DNAH5: variants seen among roughly 807,000 people sequenced by gnomAD.
DNAH5 encodes dynein axonemal heavy chain 5, also known as axonemal beta dynein heavy chain 5.
In DNAH5, 372 loss-of-function variants were observed where a neutral mutation model predicts 518.2. That is an observed-to-expected ratio of 0.72 (90% CI 0.66 to 0.78). The LOEUF (loss-of-function observed/expected upper bound fraction) is 0.78, where lower values mean the gene tolerates loss of function less well. Among genes scored for constraint, DNAH5 ranks in the 30% least tolerant of loss-of-function variants. DNAH5 has a pLI of 0.00. For synonymous variants in DNAH5, 2,039 were observed against 2,025.9 expected (o/e 1.01, Z -0.17); for missense variants, 5,523 against 5,687.0 (o/e 0.97, Z 0.93).
At chr5:13,713,329 C>T (rs187365119) in intron 75 of DNAH5, among the ~76,000 whole-genome samples, 146 of 120,960 alleles carry the variant, frequency 1.2e-3, no homozygotes, top group African/African-American at 1.8e-3. Context: ...ATATATATAC[C>T]GACATATATA....
At chr5:13,937,033 C>G (rs996740053) in intron 1 of DNAH5, among the ~76,000 whole-genome samples, 1 of 151,842 alleles carries the variant, frequency 6.6e-6, no homozygotes, top group Non-Finnish European at 1.5e-5. Context: ...TCACAAAATC[C>G]CTATGAAGAA....
At chr5:13,931,559 A>G (rs1778430453) in intron 1 of DNAH5, among the ~76,000 whole-genome samples, 1 of 152,222 alleles carries the variant, frequency 6.6e-6, no homozygotes, top group Non-Finnish European at 1.5e-5. Context: ...ATATATAAGC[A>G]TTCAACAGAA....
At chr5:14,010,369 CATA>C (rs1785028990) in intron 1 of DNAH5, among the ~76,000 whole-genome samples, 1 of 152,098 alleles carries the variant, frequency 6.6e-6, no homozygotes, top group Admixed American at 6.5e-5. Flanking sequence ...TGAAAGCAAG[CATA>C]ATTAATAAAA....
At position 13,818,072 on chromosome 5, in the gene DNAH5, T is replaced by A. The variant is rs545242562; in HGVS notation, c.6842-378A>T. Among the ~76,000 whole-genome samples, 11 of 152,318 alleles carry A rather than the reference T, an allele frequency of 7.2e-5. No individual in the cohort carries two copies. The South Asian group carries it at 8.3e-4, about 11-fold the overall frequency. ...GAAATATCACCTAGAAGATGCCTCA[T>A]TCACTGCATTATCAGCTTTGATTTG... On this transcript the variant is annotated intron_variant, in intron 41 of 78. Transcript: ENST00000265104.
rs1754087098 is a variant in DNAH5, at chr5:13,776,376, C to T, written c.9373+63G>A. ...CAGCTGAGGCAGAGCCTTCAAGCAT[C>T]CCTGAAAGAACTAGAATCCTTGAAC... On this transcript the variant is annotated intron_variant, in intron 55 of 78. Transcript: ENST00000265104. 9 of 1,599,712 alleles carry T rather than the reference C, an allele frequency of 5.6e-6. No homozygotes were observed. In the South Asian group the frequency reaches 8.9e-5, roughly 16 times the overall value.
chr5:13,735,712 A>C, intron 67 of DNAH5, 106 bp downstream of exon 67: 1 of 965,664 alleles, frequency 1.0e-6, no homozygotes, highest in South Asian at 1.3e-5. Flanking sequence ...AGATTTAAAA[A>C]AGAAAAAGAC....
At position 13,823,248 on chromosome 5, in the gene DNAH5, T is replaced by G. The variant is rs1045914925; in HGVS notation, c.6687+15A>C. 3 of 1,521,900 alleles carry G rather than the reference T, an allele frequency of 2.0e-6. No individual in the cohort carries two copies. In the African/African-American group the frequency reaches 4.1e-5, roughly 21 times the overall value. 94.3% of individuals were successfully genotyped at this position (1,521,900 alleles called of 1,614,324 possible). ...AAACAGACACCAGCCCTCGTTGCCC[T>G]GTGAAGCATATTACCTGTCTACTAA... On this transcript the variant is annotated intron_variant, in intron 40 of 78. Coordinates refer to ENST00000265104, the MANE Select transcript of DNAH5 (RefSeq NM_001369.3).
intron 1 of DNAH5, among the ~76,000 whole-genome samples, chr5:14,008,995 G>C (rs768410564): frequency 3.3e-5 from 5 of 152,202 alleles, no homozygotes; most frequent in Non-Finnish European, 5.9e-5. Context: ...TCTCGAAGCT[G>C]GTTTCCTGGC....
intron 16 of DNAH5, among the ~76,000 whole-genome samples, chr5:13,894,069 A>T (rs1180488308): frequency 1.4e-5 from 2 of 139,564 alleles, no homozygotes; most frequent in Non-Finnish European, 3.2e-5. Flanking sequence ...ACCTACTGGG[A>T]CACTGGCATG....
intron 15 of DNAH5, chr5:13,899,856 CA>C: frequency 3.7e-6 from 1 of 272,810 alleles, no homozygotes; most frequent in Non-Finnish European, 7.0e-6. Context: ...CAACACTTCA[CA>C]AACAGGCTTC....
chr5:13,718,651 C>T (rs549210171), intron 72 of DNAH5, among the ~76,000 whole-genome samples: 2 of 152,232 alleles, frequency 1.3e-5, no homozygotes. Flanking sequence ...ACAGCATGGG[C>T]TTAAATAGGG....
Position 13,811,841 on chromosome 5 carries a change from A to G in DNAH5, c.7231-18T>C. 6.2e-7 allele frequency: 1 copy of G among 1,613,742 alleles called. No individual in the cohort carries two copies. Among genetic ancestry groups the G allele is most frequent in the Non-Finnish European group, 8.5e-7 (1 of 1,179,762 alleles). ...AGAAAACCCTGTCAGTTCACAGACA[A>G]GTGTATTCATGAAACTTATTAGCAC... On this transcript the variant is annotated intron_variant, in intron 43 of 78. Coordinates refer to ENST00000265104, the MANE Select transcript of DNAH5 (RefSeq NM_001369.3).
intron 51 of DNAH5, 37 bp from the exon 52 acceptor site, chr5:13,786,388 A>G: frequency 6.3e-7 from 1 of 1,589,794 alleles, no homozygotes; most frequent in Non-Finnish European, 8.6e-7. Context: ...AGTTTCTGCA[A>G]ATACCTGCAT....
chr5:13,914,060 C>T, intron 10 of DNAH5, 102 bp from the exon 11 acceptor site: 2 of 1,413,540 alleles, frequency 1.4e-6, no homozygotes, highest in Non-Finnish European at 1.9e-6. Flanking sequence ...AATTGTAAGC[C>T]TTTTCATAGT....
rs1368574132 is a variant in DNAH5 at position 13,859,575 on chromosome 5, T to C, written c.4827A>G (p.Gln1609=). Residue 1609 remains glutamine (Q), a synonymous_variant, in exon 30 of 79, where the codon CAA becomes CAG. Transcript: ENST00000265104. Reference sequence around the variant, plus strand: ...AGTTGGAAAGGTACTGCACCCATTTTTGAATCTGGGCTTTGAATGGCATAT... The same window carrying C: ...AGTTGGAAAGGTACTGCACCCATTTCTGAATCTGGGCTTTGAATGGCATAT... ...RYNMPFKAQI[Q]KWVQYLSNST... 2.5e-6 allele frequency: 4 copies of C among 1,614,020 alleles called. No individual in the cohort carries two copies. The African/African-American group carries it at 5.3e-5, about 22-fold the overall frequency.
Position 13,762,863 on chromosome 5 carries a change from T to C in DNAH5, c.10140A>G (p.Glu3380=), listed in dbSNP as rs6554812. ...PKDTINEEVI[E]FLSPYFEMPD... is the part of the protein sequence containing the mutation. ...GCATTTCAAAGTAAGGACTCAAAAA[T>C]TCTATCACCTCTTCATTGATTGTGT... Residue 3380 remains glutamate, a synonymous_variant, in exon 60 of 79, where the codon GAA becomes GAG. Transcript: ENST00000265104. 0.28 allele frequency: 455,168 copies of C among 1,612,358 alleles called. 68,300 individuals carry two copies. Among genetic ancestry groups the C allele is most frequent in the South Asian group, 0.43 (39,546 of 91,042 alleles).
chr5:13,924,650 G>A (rs1057092048), intron 3 of DNAH5, among the ~76,000 whole-genome samples: 1 of 145,488 alleles, frequency 6.9e-6, no homozygotes. Context: ...ACTCTAGGCT[G>A]AGCAACAAGA....
chr5:13,832,019 G>A (rs967646434), intron 35 of DNAH5, among the ~76,000 whole-genome samples: 7 of 152,010 alleles, frequency 4.6e-5, no homozygotes, highest in Non-Finnish European at 8.8e-5. Flanking sequence ...CTCTATCCGG[G>A]AAAGAAAAAT....
At chr5:13,717,225 T>C (rs1744417975) in intron 73 of DNAH5, 90 bp downstream of exon 73, 14 of 1,220,142 alleles carry the variant, frequency 1.1e-5, no homozygotes, top group Middle Eastern at 2.7e-4. Flanking sequence ...AATTCTCTTA[T>C]ATAATTTACG....
Sources: gnomAD v4.1 joint callset for allele counts (sites outside exome capture counted in the v4.1 genomes callset) on GRCh38, gnomAD v4.1.1 for gene constraint, MANE v1.5 for transcripts, NCBI Gene and HGNC (gene_info 2026-07-23, HGNC 2026-07-21) for gene names.